RGS6: variants seen among roughly 807,000 people sequenced by gnomAD.
RGS6 encodes regulator of G protein signaling 6.
A neutral mutation model predicts 78.5 loss-of-function variants in RGS6; 30 were observed. The observed-to-expected ratio is 0.38, with a 90% CI of 0.29 to 0.52. The LOEUF (loss-of-function observed/expected upper bound fraction) is 0.52. Among genes scored for constraint, RGS6 ranks in the 20% least tolerant of loss-of-function variants. The probability of loss-of-function intolerance (pLI) is 0.85; values close to 1 mark genes in which losing one functional copy is unlikely to be tolerated. For synonymous variants in RGS6, 206 were observed against 206.0 expected (o/e 1.00, Z 0.00); for missense variants, 495 against 609.7 (o/e 0.81, Z 1.98).
rs544580045 is a variant in RGS6 at position 72,232,845 on chromosome 14, A to G, written c.85-119250A>G. ...ACAGGTGCTGGGATGGGAGCTGAGG[A>G]TGCCAGAACATGGGATTGACTGCCC... On this transcript the variant is annotated intron_variant, in intron 2 of 17. Coordinates refer to ENST00000553525, the MANE Select transcript of RGS6 (RefSeq NM_001204424.2). Among the ~76,000 whole-genome samples the G allele has an allele frequency of 8.5e-5, 13 of 152,332 alleles. No homozygotes were observed. In the South Asian group the frequency reaches 2.7e-3, roughly 32 times the overall value.
At chr14:72,483,488 A>C (rs2096423554) in intron 12 of RGS6, among the ~76,000 whole-genome samples, 2 of 152,280 alleles carry the variant, frequency 1.3e-5, no homozygotes, top group East Asian at 1.9e-4. Flanking sequence ...CTCAGTGATC[A>C]TGAAATGTAA....
chr14:72,463,822 G>T (rs2095840346), intron 6 of RGS6, among the ~76,000 whole-genome samples: 1 of 152,216 alleles, frequency 6.6e-6, no homozygotes, highest in South Asian at 2.1e-4. Context: ...GAGACTGAAG[G>T]AGGTACTTTG....
intron 3 of RGS6, among the ~76,000 whole-genome samples, chr14:72,373,048 GCAT>G (rs1353380479): frequency 1.3e-5 from 2 of 152,134 alleles, no homozygotes; most frequent in Non-Finnish European, 2.9e-5. Flanking sequence ...GGTCAAGGGA[GCAT>G]CATCATGGAG....
intron 3 of RGS6, among the ~76,000 whole-genome samples, chr14:72,385,595 G>A (rs1055993437): frequency 6.6e-6 from 1 of 152,164 alleles, no homozygotes; most frequent in Non-Finnish European, 1.5e-5. Context: ...GTATGTGGGG[G>A]CCTTTTGATG....
rs74706072 is a variant in RGS6, at chr14:72,115,834, C to T, written c.84+150959C>T. 7.2e-3 allele frequency among the ~76,000 whole-genome samples: 1,091 copies of T among 152,298 alleles called. 37 individuals carry two copies. Among genetic ancestry groups the T allele is most frequent in the Admixed American group, 0.063 (957 of 15,306 alleles). On this transcript the variant is annotated intron_variant, in intron 2 of 17. Transcript: ENST00000553525. ...AGGTTGACTTGCTATAAGTCAACCA[C>T]ACCTAGTCTCACTAAGCCCATTTGT...
chr14:72,332,431 G>A (rs1364147982), intron 2 of RGS6, among the ~76,000 whole-genome samples: 1 of 152,230 alleles, frequency 6.6e-6, no homozygotes, highest in African/African-American at 2.4e-5. Context: ...AGGGAAAGCA[G>A]TGAGATGGAT....
chr14:72,229,290 C>G (rs545930274), intron 2 of RGS6, among the ~76,000 whole-genome samples: 2 of 150,762 alleles, frequency 1.3e-5, no homozygotes, highest in East Asian at 3.9e-4. Flanking sequence ...GCCCCTACCA[C>G]CCTCCCACAC....
At chr14:71,969,176 A>G (rs1263470781) in intron 2 of RGS6, among the ~76,000 whole-genome samples, 3 of 152,190 alleles carry the variant, frequency 2.0e-5, no homozygotes, top group African/African-American at 7.2e-5. Flanking sequence ...ATGGCTGCAT[A>G]GTATTCCATG....
intron 3 of RGS6, among the ~76,000 whole-genome samples, chr14:72,437,210 G>A (rs1372464598): frequency 8.0e-5 from 12 of 150,214 alleles, no homozygotes; most frequent in East Asian, 1.9e-4. Context: ...GCATGGTGGC[G>A]GGTGCCTGTA....
chr14:72,224,814 C>T (rs907510184), intron 2 of RGS6, among the ~76,000 whole-genome samples: 3 of 152,116 alleles, frequency 2.0e-5, no homozygotes, highest in African/African-American at 4.8e-5. Flanking sequence ...GAGCCTAAAC[C>T]ACCCAGCCTG....
At chr14:72,205,393 T>C (rs2042491532) in intron 2 of RGS6, among the ~76,000 whole-genome samples, 1 of 152,248 alleles carries the variant, frequency 6.6e-6, no homozygotes, top group African/African-American at 2.4e-5. Context: ...CATATGACTA[T>C]GCAACGTGCA....
chr14:72,041,245 C>T (rs1216990258), intron 2 of RGS6, among the ~76,000 whole-genome samples: 1 of 152,026 alleles, frequency 6.6e-6, no homozygotes, highest in Non-Finnish European at 1.5e-5. Context: ...AGACCTTTAC[C>T]AGTCAGCCTG....
intron 2 of RGS6, among the ~76,000 whole-genome samples, chr14:72,226,279 G>A (rs1435887408): frequency 1.3e-5 from 2 of 152,170 alleles, no homozygotes; most frequent in East Asian, 3.8e-4. Flanking sequence ...TTCAAAAGCA[G>A]TATTTTTAAA....
chr14:72,600,837 C>T, the RGS6 span, among the ~76,000 whole-genome samples: 1 of 152,020 alleles, frequency 6.6e-6, no homozygotes, highest in African/African-American at 2.4e-5. Context: ...TCCCCTGCCG[C>T]ATCCCCACCA....
chr14:71,938,041 G>A (rs2191251), intron 1 of RGS6, among the ~76,000 whole-genome samples: 77,370 of 152,002 alleles, frequency 0.51, 20,079 homozygotes, highest in Non-Finnish European at 0.53. Flanking sequence ...TTTGTTCATG[G>A]GCCCATTGGG....
At chr14:72,536,409 TC>T (rs2097252064) in intron 16 of RGS6, 134 bp downstream of exon 16, 5 of 679,708 alleles carry the variant, frequency 7.4e-6, no homozygotes, top group Admixed American at 6.4e-5. Flanking sequence ...CTCTATCTGC[TC>T]CCATTCTAAT....
In RGS6 at chr14:72,399,570, C is replaced by A. The variant is rs376972579; in HGVS notation, c.184+47376C>A. 4.6e-5 allele frequency among the ~76,000 whole-genome samples: 7 copies of A among 152,130 alleles called. No individual in the cohort carries two copies. In the East Asian group the frequency reaches 5.8e-4, roughly 13 times the overall value. ...TGTTATGTGTGAATTTGATCCTGTCCTTATGATGTTAGCTGGTTATTTTGC... is the reference window on the plus strand; with the variant it reads ...TGTTATGTGTGAATTTGATCCTGTCATTATGATGTTAGCTGGTTATTTTGC... On this transcript the variant is annotated intron_variant, in intron 3 of 17. Transcript: ENST00000553525.
intron 2 of RGS6, among the ~76,000 whole-genome samples, chr14:72,171,510 C>A (rs565990828): frequency 9.9e-5 from 15 of 152,182 alleles, no homozygotes; most frequent in Non-Finnish European, 2.1e-4. Context: ...CCACTGTGAT[C>A]GAGGTTTTAC....
At chr14:72,370,376 A>G (rs1373386016) in intron 3 of RGS6, among the ~76,000 whole-genome samples, 2 of 152,184 alleles carry the variant, frequency 1.3e-5, no homozygotes, top group East Asian at 3.8e-4. Context: ...TGGATTTGCT[A>G]GTTTAAAGAA....
Sources: allele counts gnomAD v4.1 joint callset (sites outside exome capture counted in the v4.1 genomes callset), GRCh38; gene constraint gnomAD v4.1.1; transcripts MANE v1.5; gene names NCBI Gene and HGNC (gene_info 2026-07-23, HGNC 2026-07-21).